The following PCSK5 variants were observed in gnomAD, a reference collection of about 807,000 sequenced individuals.
PCSK5 encodes prohormone convertase 5.
A neutral mutation model predicts 233.2 loss-of-function variants in PCSK5; 129 were observed. That is an observed-to-expected ratio of 0.55 (90% CI 0.48 to 0.64). PCSK5 has a LOEUF of 0.64. Ranked by LOEUF, PCSK5 falls within the 30% of genes least tolerant of loss-of-function variation. The pLI is 0.00. For synonymous variants in PCSK5, 825 were observed against 879.2 expected (o/e 0.94, Z 1.09); for missense variants, 2,076 against 2,430.1 (o/e 0.85, Z 3.06).
intron 5 of PCSK5, among the ~76,000 whole-genome samples, chr9:76,042,242 G>T (rs1373140973): frequency 6.6e-6 from 1 of 152,202 alleles, no homozygotes; most frequent in Non-Finnish European, 1.5e-5. Flanking sequence ...ACAAGTGGCA[G>T]AAATAAGTTT....
Position 76,169,735 on chromosome 9 carries a change from A to G in PCSK5, c.1651A>G (p.Asn551Asp), listed in dbSNP as rs760444226. The change falls in exon 13 of 38, where the codon AAC (asparagine) becomes GAC (aspartate). Residue 551 changes from asparagine to aspartate, a missense_variant. This residue lies in a region of PCSK5 where 50 missense variants were observed against 104.7 expected (regional missense o/e 0.48). Transcript: ENST00000674117. ...LFDHSMEGFK[N>D]WEFMTIHCWG... ...TGATCACTCCATGGAAGGATTCAAA[A>G]ACTGGGAGTTCATGACCATTCATTG... The G allele has an allele frequency of 1.9e-6, 3 of 1,613,736 alleles. No homozygotes were observed. The highest frequency in any genetic ancestry group is 2.2e-5 in the East Asian group (1 of 44,858).
At chr9:76,347,769 A>G (rs1157911304) in intron 35 of PCSK5, among the ~76,000 whole-genome samples, 1 of 149,030 alleles carries the variant, frequency 6.7e-6, no homozygotes, top group Non-Finnish European at 1.5e-5. Context: ...AAAAGAAAAA[A>G]AAAAAAAAAA....
intron 30 of PCSK5, among the ~76,000 whole-genome samples, chr9:76,320,939 C>T (rs1366852730): frequency 1.3e-5 from 2 of 152,058 alleles, no homozygotes; most frequent in Admixed American, 6.6e-5. Context: ...CTCAGCCTCC[C>T]GAGTAGCTGA....
intron 37 of PCSK5, among the ~76,000 whole-genome samples, chr9:76,355,480 G>A (rs924838435): frequency 2.7e-5 from 4 of 150,512 alleles, no homozygotes; most frequent in Non-Finnish European, 5.9e-5. Context: ...CTCAAAAAAA[G>A]AAAAGAAAAG....
intron 1 of PCSK5, among the ~76,000 whole-genome samples, chr9:75,900,298 T>C (rs956823326): frequency 3.9e-5 from 6 of 152,198 alleles, no homozygotes; most frequent in Non-Finnish European, 8.8e-5. Flanking sequence ...GATCCCCGCA[T>C]ACAATTGTTG....
intron 20 of PCSK5, chr9:76,209,608 T>C (rs1439816464): frequency 6.0e-6 from 3 of 501,088 alleles, no homozygotes; most frequent in South Asian, 1.5e-5. Context: ...TAACGTCCAA[T>C]AGTCAACTTA....
At chr9:76,188,413 A>G (rs1824205048) in intron 17 of PCSK5, among the ~76,000 whole-genome samples, 165 bp from the exon 18 acceptor site, 1 of 152,070 alleles carries the variant, frequency 6.6e-6, no homozygotes. Flanking sequence ...AAGCATTGAG[A>G]GGAGAAAAAA....
At chr9:76,268,613 G>T (rs1463253737) in intron 24 of PCSK5, among the ~76,000 whole-genome samples, 1 of 152,204 alleles carries the variant, frequency 6.6e-6, no homozygotes, top group Non-Finnish European at 1.5e-5. Flanking sequence ...GGAGGCTGAG[G>T]TGGACAGATC....
At chr9:76,255,714 A>T (rs1052548266) in intron 24 of PCSK5, among the ~76,000 whole-genome samples, 2 of 152,150 alleles carry the variant, frequency 1.3e-5, no homozygotes, top group Admixed American at 1.3e-4. Context: ...ACGCACCCAT[A>T]GTCCCAGCTA....
At chr9:76,271,588 C>G (rs938378437) in intron 24 of PCSK5, among the ~76,000 whole-genome samples, 12 of 151,988 alleles carry the variant, frequency 7.9e-5, no homozygotes, top group African/African-American at 2.4e-4. Context: ...GTAATCTCAG[C>G]ACTTTGGAAG....
At chr9:76,343,165 ATT>A (rs57723867) in intron 35 of PCSK5, among the ~76,000 whole-genome samples, 49,327 of 141,084 alleles carry the variant, frequency 0.35, 8,636 homozygotes, top group East Asian at 0.72. Context: ...TTAGGATAGA[ATT>A]TTTTTTTTTT....
In PCSK5 at chr9:76,169,690, T is replaced by C; in HGVS notation, c.1620-14T>C. Reference sequence around the variant, plus strand: ...TTGAAATATCGCACATAACAATGTTTTGTTCACTTTCAGGCTATTTGATCA... The same window carrying C: ...TTGAAATATCGCACATAACAATGTTCTGTTCACTTTCAGGCTATTTGATCA... On this transcript the variant is annotated splice_polypyrimidine_tract_variant and intron_variant, in intron 12 of 37. Transcript: ENST00000674117. 1.2e-6 allele frequency: 2 copies of C among 1,612,036 alleles called. No individual in the cohort carries two copies. Among genetic ancestry groups the C allele is most frequent in the Non-Finnish European group, 1.7e-6 (2 of 1,178,666 alleles).
chr9:76,099,969 C>A (rs1831689975), intron 8 of PCSK5, among the ~76,000 whole-genome samples: 1 of 152,210 alleles, frequency 6.6e-6, no homozygotes, highest in Non-Finnish European at 1.5e-5. Flanking sequence ...CTCTCTGCTT[C>A]TGGGAAAGCA....
rs1823546863 is a variant in PCSK5, at chr9:76,175,281, C to CGAATA, written c.1900+156_1900+157insAGAAT. On this transcript the variant is annotated intron_variant, in intron 14 of 37. Coordinates refer to ENST00000674117, the MANE Select transcript of PCSK5 (RefSeq NM_001372043.1). ...GGAATGGAATGGAATGGAATCGAAT[C>CGAATA]GAATCGAATCGAATAGAATAGAATA... The CGAATA allele has an allele frequency of 2.9e-5, 17 of 587,382 alleles. 1 individual carries two copies. The highest frequency in any genetic ancestry group is 1.2e-4 in the South Asian group (6 of 49,352). 36.4% of individuals were successfully genotyped at this position (587,382 alleles called of 1,614,324 possible).
intron 21 of PCSK5, among the ~76,000 whole-genome samples, chr9:76,233,089 G>T (rs2131318562): frequency 6.6e-6 from 1 of 152,268 alleles, no homozygotes. Flanking sequence ...TTTCTCCAAG[G>T]CCTCTCTCAG....
At chr9:76,064,703 C>G (rs963648880) in intron 5 of PCSK5, among the ~76,000 whole-genome samples, 2 of 149,256 alleles carry the variant, frequency 1.3e-5, no homozygotes, top group East Asian at 4.1e-4. Context: ...ACGGGGCGGC[C>G]GGGCAGAGAC....
intron 1 of PCSK5, among the ~76,000 whole-genome samples, chr9:75,894,926 T>C (rs1825747825): frequency 6.6e-6 from 1 of 152,224 alleles, no homozygotes; most frequent in Admixed American, 6.5e-5. Context: ...CAAAGAAGAA[T>C]TAATGTCTGG....
intron 20 of PCSK5, among the ~76,000 whole-genome samples, chr9:76,217,923 C>T (rs1192559211): frequency 7.2e-5 from 11 of 152,170 alleles, no homozygotes; most frequent in Admixed American, 7.2e-4. Flanking sequence ...ATACAAACGC[C>T]GCTGCCCTCA....
rs149453551 is a variant in PCSK5 at position 76,079,352 on chromosome 9, T to C, written c.894+7454T>C. Among the ~76,000 whole-genome samples the C allele has an allele frequency of 2.7e-3, 413 of 152,176 alleles. 5 individuals carry two copies. The highest frequency in any genetic ancestry group is 0.022 in the Admixed American group (336 of 15,284). On this transcript the variant is annotated intron_variant, in intron 7 of 37. Transcript: ENST00000674117. ...GCATGTTTCACCATGTTGGCCGGGTTGGTCTCGAACTGCTGACCTCAGGTG... is the reference window on the plus strand; with the variant it reads ...GCATGTTTCACCATGTTGGCCGGGTCGGTCTCGAACTGCTGACCTCAGGTG...
Sources: gnomAD v4.1 joint callset for allele counts (sites outside exome capture counted in the v4.1 genomes callset) on GRCh38, gnomAD v4.1.1 for gene constraint, gnomAD v4.1.1 regional missense constraint, MANE v1.5 for transcripts, NCBI Gene and HGNC (gene_info 2026-07-23, HGNC 2026-07-21) for gene names.